CPVL: variants seen among roughly 807,000 people sequenced by gnomAD.
The protein encoded by CPVL is carboxypeptidase vitellogenic like.
In CPVL, 51 loss-of-function variants were observed where a neutral mutation model predicts 63.7. The observed-to-expected ratio is 0.80, with a 90% confidence interval of 0.64 to 1.01. The LOEUF (loss-of-function observed/expected upper bound fraction) is 1.01. Among genes scored for constraint, CPVL ranks in the 50% least tolerant of loss-of-function variants. The pLI is 0.00. For synonymous variants in CPVL, 195 were observed against 206.0 expected (o/e 0.95, Z 0.46); for missense variants, 530 against 573.1 (o/e 0.92, Z 0.77).
intron 1 of CPVL, among the ~76,000 whole-genome samples, chr7:29,188,634 G>A (rs1799006019): frequency 6.6e-6 from 1 of 152,052 alleles, no homozygotes; most frequent in Non-Finnish European, 1.5e-5. Context: ...GGGGAGTGAA[G>A]GCAGAGGACA....
chr7:29,117,880 A>G (rs1677733116), intron 2 of CPVL, among the ~76,000 whole-genome samples: 1 of 152,260 alleles, frequency 6.6e-6, no homozygotes, highest in Non-Finnish European at 1.5e-5. Flanking sequence ...TACTAGGGAT[A>G]TAATGACTAA....
chr7:29,111,710 G>A (rs1191010973), intron 3 of CPVL, among the ~76,000 whole-genome samples: 1 of 152,164 alleles, frequency 6.6e-6, no homozygotes, highest in Non-Finnish European at 1.5e-5. Flanking sequence ...GAGAGAGCAG[G>A]AAAGAAAAGT....
chr7:29,158,875 C>T (rs1167010661), intron 5 of CPVL, among the ~76,000 whole-genome samples: 1 of 152,216 alleles, frequency 6.6e-6, no homozygotes, highest in African/African-American at 2.4e-5. Context: ...TCTGTATAAA[C>T]ATTCCTTTGG....
chr7:29,164,748 TC>T (rs1376104012), intron 5 of CPVL, among the ~76,000 whole-genome samples: 1 of 125,494 alleles, frequency 8.0e-6, no homozygotes, highest in African/African-American at 3.2e-5. Context: ...ACCACTGCAC[TC>T]CAGCCTGGGT....
At chr7:29,072,883 A>G (rs981398994) in intron 7 of CPVL, among the ~76,000 whole-genome samples, 2 of 152,194 alleles carry the variant, frequency 1.3e-5, no homozygotes, top group Non-Finnish European at 2.9e-5. Context: ...GGAAAATAAT[A>G]TTTATTGGCC....
chr7:29,136,565 A>G (rs900877947), intron 1 of CPVL, among the ~76,000 whole-genome samples: 2 of 152,228 alleles, frequency 1.3e-5, no homozygotes, highest in African/African-American at 4.8e-5. Context: ...CAATAAATCA[A>G]GAAACAGATT....
intron 7 of CPVL, among the ~76,000 whole-genome samples, chr7:29,086,169 G>C (rs1785179464): frequency 6.6e-6 from 1 of 152,074 alleles, no homozygotes; most frequent in South Asian, 2.1e-4. Context: ...GCAGGCGCCT[G>C]TAATCTCAGC....
intron 1 of CPVL, among the ~76,000 whole-genome samples, chr7:29,125,957 C>A (rs1200974157): frequency 5.3e-5 from 8 of 152,148 alleles, no homozygotes; most frequent in African/African-American, 1.9e-4. Flanking sequence ...TGGGTCCCAC[C>A]TGATGTGCTC....
upstream of CPVL, chr7:29,147,150 C>T (rs777255674): frequency 1.3e-6 from 1 of 749,096 alleles, no homozygotes; most frequent in Non-Finnish European, 2.1e-6. Flanking sequence ...TATTATTAGC[C>T]ACCACCAGGT....
At chr7:29,071,640 G>A (rs1043535076) in intron 9 of CPVL, 133 bp downstream of exon 9, 16 of 930,682 alleles carry the variant, frequency 1.7e-5, no homozygotes, top group Admixed American at 2.7e-5. Flanking sequence ...CTCGCCTCCC[G>A]ATCTCCAATG....
chr7:29,146,908 T>A (rs1157919216), upstream of CPVL: 5 of 1,551,108 alleles, frequency 3.2e-6, no homozygotes, highest in Non-Finnish European at 4.4e-6. Context: ...ATTCCCACTG[T>A]TTAAAAAGGC....
At chr7:29,091,778 C>G (rs147690722) in intron 6 of CPVL, among the ~76,000 whole-genome samples, 2,058 of 152,256 alleles carry the variant, frequency 0.014, 24 homozygotes, top group Admixed American at 0.024. Context: ...CTTCTCTCCC[C>G]CCGGCCACCT....
intron 11 of CPVL, among the ~76,000 whole-genome samples, chr7:29,038,086 G>A (rs762570255): frequency 2.0e-5 from 3 of 152,180 alleles, no homozygotes; most frequent in Non-Finnish European, 4.4e-5. Flanking sequence ...GCTGTGTGAG[G>A]CTTGCATTCA....
At chr7:29,037,391 C>T (rs1380562592) in intron 11 of CPVL, among the ~76,000 whole-genome samples, 3 of 141,336 alleles carry the variant, frequency 2.1e-5, no homozygotes, top group African/African-American at 2.6e-5. Context: ...AAAATAAATA[C>T]AAAAAAAAAA....
intron 12 of CPVL, among the ~76,000 whole-genome samples, chr7:29,005,345 C>T (rs776643710): frequency 1.4e-4 from 22 of 152,032 alleles, no homozygotes; most frequent in Non-Finnish European, 2.9e-4. Context: ...AATTACAGCA[C>T]TAATAAATAT....
chr7:29,159,903 T>C (rs1794945387), intron 5 of CPVL, among the ~76,000 whole-genome samples: 1 of 152,200 alleles, frequency 6.6e-6, no homozygotes, highest in Non-Finnish European at 1.5e-5. Flanking sequence ...TGCTTAAGTA[T>C]TTGTGGAAGG....
intron 1 of CPVL, chr7:29,194,925 G>A (rs757815191): frequency 1.3e-6 from 2 of 1,556,352 alleles, no homozygotes; most frequent in South Asian, 1.2e-5. Context: ...GAGCAGCGAC[G>A]CGAGGGGCGC....
chr7:29,181,520 T>C (rs1798050714), intron 4 of CPVL: 1 of 152,172 alleles, frequency 6.6e-6, no homozygotes, highest in African/African-American at 2.4e-5. Context: ...TTTCAATCAA[T>C]GGAGGAATAA....
intron 4 of CPVL, among the ~76,000 whole-genome samples, chr7:29,182,415 A>T (rs1352673178): frequency 6.6e-6 from 1 of 152,230 alleles, no homozygotes; most frequent in Non-Finnish European, 1.5e-5. Context: ...GTAGCAGAAT[A>T]GGGCTATGGG....
Sources: gnomAD v4.1 joint callset for allele counts (sites outside exome capture counted in the v4.1 genomes callset) on GRCh38, gnomAD v4.1.1 for gene constraint, MANE v1.5 for transcripts, NCBI Gene and HGNC (gene_info 2026-07-23, HGNC 2026-07-21) for gene names.